TNFRSF11A: variants seen among roughly 807,000 people sequenced by gnomAD.
The protein encoded by TNFRSF11A is TNF receptor superfamily member 11a.
In TNFRSF11A, 32 loss-of-function variants were observed where a neutral mutation model predicts 55.7. The ratio of observed to expected loss-of-function variants is 0.57; its 90% confidence interval spans 0.43 to 0.77. TNFRSF11A has a LOEUF of 0.77. Among genes scored for constraint, TNFRSF11A ranks in the 30% least tolerant of loss-of-function variants. TNFRSF11A has a pLI of 0.00. For missense variants in TNFRSF11A, 753 were observed against 809.8 expected (o/e 0.93, Z 0.85); for synonymous variants, 311 against 331.0 (o/e 0.94, Z 0.65).
chr18:62,354,412 T>C lies in TNFRSF11A; in HGVS notation c.305T>C (p.Val102Ala). 6.3e-7 allele frequency: 1 copy of C among 1,586,694 alleles called. No homozygotes were observed. Among genetic ancestry groups the C allele is most frequent in the Non-Finnish European group, 8.5e-7 (1 of 1,172,102 alleles). ...GCAGGCAAGGCCCTGGTGGCCGTGG[T>C]CGCCGGCAACAGCACGACCCCCCGG... ...CDTGKALVAVVAGNSTTPRRC... is the reference protein window; with the variant it reads ...CDTGKALVAVAAGNSTTPRRC... The change falls in exon 4 of 10, where the codon GTC (valine) becomes GCC (alanine). Residue 102 changes from valine (V) to alanine (A), a missense_variant. By Grantham distance (64) the Val-to-Ala change is moderately conservative. Transcript: ENST00000586569.
In TNFRSF11A at chr18:62,387,251, A is replaced by G. The variant is rs1245284760; in HGVS notation, c.*2217A>G. 2 of 152,194 alleles carry G rather than the reference A, an allele frequency of 1.3e-5. No homozygotes were observed. Among genetic ancestry groups the G allele is most frequent in the Non-Finnish European group, 2.9e-5 (2 of 68,044 alleles). 9.4% of individuals were successfully genotyped at this position (152,194 alleles called of 1,614,324 possible). A position where few individuals can be genotyped will look rare whatever the true frequency, so the allele number is the denominator to read the frequency against. On this transcript the variant is annotated 3_prime_UTR_variant, in exon 10 of 10. Coordinates refer to ENST00000586569, the MANE Select transcript of TNFRSF11A (RefSeq NM_003839.4). Reference sequence around the variant, plus strand: ...ACTGATCCCTACTAATTCTATATTGATCCAAAGGCAACTCAATGCTAAAAA... The same window carrying G: ...ACTGATCCCTACTAATTCTATATTGGTCCAAAGGCAACTCAATGCTAAAAA...
intron 1 of TNFRSF11A, among the ~76,000 whole-genome samples, chr18:62,330,470 T>C (rs2046135885): frequency 6.6e-6 from 1 of 152,106 alleles, no homozygotes; most frequent in African/African-American, 2.4e-5. Context: ...AAGGACAGGA[T>C]TCCTGGACTC....
At chr18:62,346,513 G>A (rs530299580) in intron 1 of TNFRSF11A, among the ~76,000 whole-genome samples, 2 of 152,300 alleles carry the variant, frequency 1.3e-5, no homozygotes, top group South Asian at 4.1e-4. Flanking sequence ...GAATACATGG[G>A]GAGCATCTGA....
chr18:62,333,975 C>A (rs558813852), intron 1 of TNFRSF11A, among the ~76,000 whole-genome samples: 2 of 152,150 alleles, frequency 1.3e-5, no homozygotes, highest in East Asian at 3.9e-4. Context: ...AGCAATTCTC[C>A]CTGCCTCAGC....
Position 62,368,701 on chromosome 18 carries a change from G to A in TNFRSF11A, c.784G>A (p.Glu262Lys). 1 of 1,614,174 alleles carries A rather than the reference G, an allele frequency of 6.2e-7. No individual in the cohort carries two copies. Among genetic ancestry groups the A allele is most frequent in the Non-Finnish European group, 8.5e-7 (1 of 1,180,044 alleles). ...CTGCCTTCTGAATGTAAATCGGCAG[G>A]AGTCCTCAGGTGACAGTTGTGTCAG... ...EACGRLSGDK[E>K]SSGDSCVSTH... Residue 262 changes from glutamate to lysine, a missense_variant and splice_region_variant, in exon 9 of 10, where the codon GAG becomes AAG. Glu to Lys is a moderately conservative substitution (Grantham distance 56). Around this residue, in one of 3 missense-constraint regions of TNFRSF11A, gnomAD observed 567 missense variants for 596.7 expected, o/e 0.95. Coordinates refer to ENST00000586569, the MANE Select transcript of TNFRSF11A (RefSeq NM_003839.4).
intron 3 of TNFRSF11A, among the ~76,000 whole-genome samples, chr18:62,353,393 G>C (rs2046502361): frequency 6.6e-6 from 1 of 152,204 alleles, no homozygotes; most frequent in Non-Finnish European, 1.5e-5. Flanking sequence ...ACGCTAGACA[G>C]CTCTTCAGCA....
chr18:62,333,704 A>G lies in TNFRSF11A; in HGVS notation c.75+8277A>G, dbSNP rs531992928. On this transcript the variant is annotated intron_variant, in intron 1 of 9. Transcript: ENST00000586569. The stretch of plus-strand genomic sequence containing the variant: ...CACCCCTCAGGTAAACTGCTTGTAT[A>G]GTCAACTCTGTGATGGGGTAGGGAG... Among the ~76,000 whole-genome samples the G allele has an allele frequency of 2.0e-5, 3 of 152,286 alleles. No homozygotes were observed. In the South Asian group the frequency reaches 6.2e-4, roughly 32 times the overall value.
intron 1 of TNFRSF11A, among the ~76,000 whole-genome samples, chr18:62,332,387 A>G (rs2046167926): frequency 1.3e-5 from 2 of 152,226 alleles, no homozygotes; most frequent in Non-Finnish European, 2.9e-5. Context: ...TCTTCTCTCA[A>G]CTTCATAGTC....
intron 1 of TNFRSF11A, among the ~76,000 whole-genome samples, chr18:62,327,549 G>T (rs914915795): frequency 1.3e-5 from 2 of 152,180 alleles, no homozygotes; most frequent in Non-Finnish European, 2.9e-5. Flanking sequence ...CTAGGAAAAA[G>T]CTCTCTCTGT....
intron 4 of TNFRSF11A, 24 bp downstream of exon 4, chr18:62,354,558 G>T: frequency 6.2e-7 from 1 of 1,601,384 alleles, no homozygotes; most frequent in Non-Finnish European, 8.5e-7. Flanking sequence ...GTGTGCGTCT[G>T]TCGGCTCTTG....
Position 62,368,980 on chromosome 18 carries a change from C to CA in TNFRSF11A, c.1064dup (p.Pro356AlafsTer10). ...AGATGAATACATGGACAGGCCCTCC[C>CA]AGCCCACAGACCAGTTACTGTTCCT... is the stretch of plus-strand genomic sequence containing the variant. On this transcript the variant is annotated frameshift_variant, in exon 9 of 10. Transcript: ENST00000586569. LOFTEE classifies it high-confidence loss of function. The CA allele has an allele frequency of 6.2e-7, 1 of 1,614,254 alleles. No individual in the cohort carries two copies. Among genetic ancestry groups the CA allele is most frequent in the South Asian group, 1.1e-5 (1 of 91,086 alleles).
At chr18:62,332,446 C>T (rs766377276) in intron 1 of TNFRSF11A, among the ~76,000 whole-genome samples, 6 of 152,072 alleles carry the variant, frequency 3.9e-5, no homozygotes, top group Non-Finnish European at 5.9e-5. Context: ...AATTGAGAAT[C>T]AATTCCATTT....
Position 62,348,149 on chromosome 18 carries a change from A to G in TNFRSF11A, c.76-19A>G. ...AAGAGCTGTGTGGACTCTCTGCCTG[A>G]CCTCAGTGTTCTTTTCAGGTGGCTT... On this transcript the variant is annotated intron_variant, in intron 1 of 9. Transcript: ENST00000586569. 6.2e-7 allele frequency: 1 copy of G among 1,604,510 alleles called. No individual in the cohort carries two copies. Among genetic ancestry groups the G allele is most frequent in the Non-Finnish European group, 8.5e-7 (1 of 1,171,812 alleles).
At chr18:62,381,427 A>G (rs1911276213) in intron 9 of TNFRSF11A, among the ~76,000 whole-genome samples, 1 of 152,252 alleles carries the variant, frequency 6.6e-6, no homozygotes, top group Non-Finnish European at 1.5e-5. Flanking sequence ...AAAATGGCAG[A>G]GAAATAATAT....
At chr18:62,354,304 G>T (rs992744457) in intron 3 of TNFRSF11A, 87 bp from the exon 4 acceptor site, 21 of 1,447,970 alleles carry the variant, frequency 1.5e-5, no homozygotes, top group Non-Finnish European at 1.9e-5. Flanking sequence ...GCTGCTCTGG[G>T]CTGGATGTTG....
chr18:62,349,370 C>T (rs543374685), intron 2 of TNFRSF11A, among the ~76,000 whole-genome samples: 15 of 152,066 alleles, frequency 9.9e-5, no homozygotes, highest in African/African-American at 2.7e-4. Flanking sequence ...TTAGTAGAGA[C>T]GAGATTTCAC....
intron 9 of TNFRSF11A, among the ~76,000 whole-genome samples, chr18:62,382,666 G>A (rs1040428056): frequency 2.0e-5 from 3 of 152,008 alleles, no homozygotes; most frequent in African/African-American, 7.3e-5. Context: ...GGGGGGAGTG[G>A]AACCAGCTTG....
At position 62,346,276 on chromosome 18, in the gene TNFRSF11A, C is replaced by T. The variant is rs76314886; in HGVS notation, c.76-1892C>T. On this transcript the variant is annotated intron_variant, in intron 1 of 9. Coordinates refer to ENST00000586569, the MANE Select transcript of TNFRSF11A (RefSeq NM_003839.4). Reference sequence around the variant, plus strand: ...GCAACAATGCTCATGAATCCTTAGGCTCGGATGAATCCAGCTTTTTGACCC... The same window carrying T: ...GCAACAATGCTCATGAATCCTTAGGTTCGGATGAATCCAGCTTTTTGACCC... Among the ~76,000 whole-genome samples the T allele has an allele frequency of 5.2e-3, 795 of 152,340 alleles. 5 individuals carry two copies. Among genetic ancestry groups the T allele is most frequent in the Non-Finnish European group, 8.7e-3 (593 of 68,034 alleles).
At chr18:62,356,377 T>C (rs1375071597) in intron 4 of TNFRSF11A, among the ~76,000 whole-genome samples, 1 of 152,214 alleles carries the variant, frequency 6.6e-6, no homozygotes, top group Admixed American at 6.5e-5. Flanking sequence ...ATGGTTAAAA[T>C]GGATCTCCCT....
Sources: allele counts gnomAD v4.1 joint callset (sites outside exome capture counted in the v4.1 genomes callset), GRCh38; gene constraint gnomAD v4.1.1; regional missense constraint gnomAD v4.1.1; transcripts MANE v1.5; gene names NCBI Gene and HGNC (gene_info 2026-07-23, HGNC 2026-07-21).